The following EXOC6B variants were observed in gnomAD, a reference collection of about 807,000 sequenced individuals.
EXOC6B encodes SEC15 homolog B.
In EXOC6B, 54 loss-of-function variants were observed where a neutral mutation model predicts 113.5. The observed-to-expected ratio is 0.48, with a 90% CI of 0.38 to 0.60. EXOC6B has a LOEUF of 0.60. Among genes scored for constraint, EXOC6B ranks in the 20% least tolerant of loss-of-function variants. The pLI is 0.00. For synonymous variants in EXOC6B, 357 were observed against 339.0 expected (o/e 1.05, Z -0.58); for missense variants, 797 against 977.5 (o/e 0.82, Z 2.46).
intron 20 of EXOC6B, among the ~76,000 whole-genome samples, chr2:72,252,013 G>A (rs1683051815): frequency 6.6e-6 from 1 of 151,964 alleles, no homozygotes; most frequent in Non-Finnish European, 1.5e-5. Flanking sequence ...ACTCCTTTGT[G>A]TATACTCAAG....
chr2:72,329,682 T>G (rs1039186857), intron 20 of EXOC6B, among the ~76,000 whole-genome samples: 2 of 152,052 alleles, frequency 1.3e-5, no homozygotes, highest in African/African-American at 4.8e-5. Flanking sequence ...AAGAGGATCA[T>G]GACAGGATGA....
intron 20 of EXOC6B, among the ~76,000 whole-genome samples, chr2:72,237,012 A>G (rs1390120135): frequency 6.6e-6 from 1 of 152,106 alleles, no homozygotes; most frequent in African/African-American, 2.4e-5. Flanking sequence ...CATAGTTAAT[A>G]TTTCCTGAGA....
At chr2:72,775,889 C>T (rs774056785) in intron 1 of EXOC6B, among the ~76,000 whole-genome samples, 37 of 152,118 alleles carry the variant, frequency 2.4e-4, no homozygotes, top group Admixed American at 1.2e-3. Flanking sequence ...TAAATATATA[C>T]ACACAAATGC....
At chr2:72,515,546 G>T in intron 8 of EXOC6B, 2 of 1,005,332 alleles carry the variant, frequency 2.0e-6, no homozygotes, top group Non-Finnish European at 2.4e-6. Context: ...AGGGGCAATG[G>T]GAAGCAGGAA....
intron 20 of EXOC6B, among the ~76,000 whole-genome samples, chr2:72,310,979 T>C (rs1316944967): frequency 6.6e-6 from 1 of 152,044 alleles, no homozygotes; most frequent in Non-Finnish European, 1.5e-5. Flanking sequence ...AGCTAAGATA[T>C]AACAGAAGCA....
intron 6 of EXOC6B, among the ~76,000 whole-genome samples, chr2:72,647,158 G>C (rs1257951275): frequency 6.6e-6 from 1 of 152,106 alleles, no homozygotes; most frequent in Non-Finnish European, 1.5e-5. Flanking sequence ...GCCAAATCAT[G>C]AGCGAACTCC....
chr2:72,291,078 C>T (rs58035683), intron 20 of EXOC6B, among the ~76,000 whole-genome samples: 35,638 of 151,970 alleles, frequency 0.23, 7,901 homozygotes, highest in African/African-American at 0.59. Flanking sequence ...AGCTCATAAA[C>T]GTTTGAAAAT....
intron 6 of EXOC6B, among the ~76,000 whole-genome samples, chr2:72,581,383 A>G (rs115092757): frequency 8.1e-4 from 123 of 152,304 alleles, no homozygotes; most frequent in Middle Eastern, 6.8e-3. Flanking sequence ...GATAATCTCA[A>G]AAAAGTTATT....
intron 15 of EXOC6B, among the ~76,000 whole-genome samples, chr2:72,493,798 T>C (rs1005265820): frequency 2.6e-5 from 4 of 152,132 alleles, no homozygotes; most frequent in African/African-American, 7.2e-5. Flanking sequence ...TTTGGCCTCT[T>C]CTGTCTAGTG....
intron 1 of EXOC6B, among the ~76,000 whole-genome samples, chr2:72,768,121 TAAAAAAAA>T (rs70963144): frequency 2.8e-5 from 3 of 108,412 alleles, no homozygotes; most frequent in African/African-American, 1.1e-4. Flanking sequence ...GAGACTCCGT[TAAAAAAAA>T]AAAAAAAAAG....
chr2:72,462,858 T>G (rs1271336640), intron 18 of EXOC6B: 1 of 152,132 alleles, frequency 6.6e-6, no homozygotes, highest in Non-Finnish European at 1.5e-5. Context: ...TTCACCCAAT[T>G]CCTGTTGTCA....
intron 20 of EXOC6B, among the ~76,000 whole-genome samples, chr2:72,196,549 C>T (rs1040055389): frequency 6.6e-6 from 1 of 152,038 alleles, no homozygotes; most frequent in African/African-American, 2.4e-5. Context: ...ATTTCATTGC[C>T]AAATTTTGGA....
At chr2:72,523,409 A>G (rs1170533473) in intron 8 of EXOC6B, among the ~76,000 whole-genome samples, 1 of 152,198 alleles carries the variant, frequency 6.6e-6, no homozygotes, top group African/African-American at 2.4e-5. Context: ...AAAAAAATTT[A>G]TACTGAGAAA....
intron 6 of EXOC6B, among the ~76,000 whole-genome samples, chr2:72,656,885 CTTG>C: frequency 6.6e-6 from 1 of 152,216 alleles, no homozygotes; most frequent in Admixed American, 6.5e-5. Context: ...GAGTTTCGCT[CTTG>C]TTGCCCAGGC....
intron 20 of EXOC6B, among the ~76,000 whole-genome samples, chr2:72,328,449 A>C (rs560032882): frequency 1.6e-4 from 25 of 152,144 alleles, no homozygotes; most frequent in Admixed American, 8.5e-4. Context: ...CATCCCTTGG[A>C]GCATCAGGCC....
intron 6 of EXOC6B, among the ~76,000 whole-genome samples, chr2:72,576,335 C>T (rs2103830401): frequency 6.6e-6 from 1 of 151,886 alleles, no homozygotes; most frequent in East Asian, 1.9e-4. Context: ...GTAGTATAAT[C>T]CCTTCAGCTT....
chr2:72,571,137 G>A (rs1704489304), intron 7 of EXOC6B, among the ~76,000 whole-genome samples: 1 of 152,116 alleles, frequency 6.6e-6, no homozygotes, highest in African/African-American at 2.4e-5. Context: ...AATCTAAAAT[G>A]TTAACTACTT....
At chr2:72,200,475 GGAT>G (rs1255498798) in intron 20 of EXOC6B, among the ~76,000 whole-genome samples, 1 of 152,162 alleles carries the variant, frequency 6.6e-6, no homozygotes, top group Non-Finnish European at 1.5e-5. Context: ...CAAAGTGCTG[GGAT>G]TACAGGCACA....
intron 8 of EXOC6B, among the ~76,000 whole-genome samples, chr2:72,550,232 T>C (rs1408418063): frequency 1.3e-5 from 2 of 152,146 alleles, no homozygotes; most frequent in African/African-American, 2.4e-5. Context: ...GTAATTAATA[T>C]TATGAGGAAC....
Sources: allele counts gnomAD v4.1 joint callset (sites outside exome capture counted in the v4.1 genomes callset), GRCh38; gene constraint gnomAD v4.1.1; transcripts MANE v1.5; gene names NCBI Gene and HGNC (gene_info 2026-07-23, HGNC 2026-07-21).